Variants in MIA2 observed in about 807,000 individuals in gnomAD.
MIA2 encodes the protein melanoma inhibitory activity protein 2.
In MIA2, 127 loss-of-function variants were observed where a neutral mutation model predicts 167.8. The ratio of observed to expected loss-of-function variants is 0.76; its 90% CI spans 0.66 to 0.88. MIA2 has a LOEUF of 0.88. Ranked by LOEUF, MIA2 falls within the 40% of genes least tolerant of loss-of-function variation. MIA2 has a pLI of 0.00. For synonymous variants in MIA2, 552 were observed against 541.9 expected (o/e 1.02, Z -0.26); for missense variants, 1,690 against 1,624.7 (o/e 1.04, Z -0.69).
chr14:39,385,324 TAA>T, intron 23 of MIA2: 1 of 657,390 alleles, frequency 1.5e-6, no homozygotes, highest in South Asian at 1.8e-5. Context: ...AAATCCTCTT[TAA>T]AAAAAAAAGT....
intron 25 of MIA2, among the ~76,000 whole-genome samples, chr14:39,343,940 C>G (rs1401009628): frequency 1.3e-5 from 2 of 152,162 alleles, no homozygotes; most frequent in Non-Finnish European, 2.9e-5. Flanking sequence ...GACTCCATTT[C>G]TGATTCCTGC....
At chr14:39,366,246 G>A (rs544033046) in intron 23 of MIA2, among the ~76,000 whole-genome samples, 2 of 152,034 alleles carry the variant, frequency 1.3e-5, no homozygotes, top group Non-Finnish European at 2.9e-5. Context: ...CCTGTCCTTG[G>A]GTCTCTGGGT....
chr14:39,361,508 G>A (rs34928332), intron 23 of MIA2, among the ~76,000 whole-genome samples: 43,929 of 149,322 alleles, frequency 0.29, 6,761 homozygotes, highest in East Asian at 0.52. Context: ...ACACCATCTC[G>A]GCTCACTGCA....
rs7141162 is a variant in MIA2 at position 39,285,419 on chromosome 14, C to T, written c.2131-5600C>T. The stretch of plus-strand genomic sequence containing the variant: ...CTCCCGGAAGGGGCGGCTGGCCGGG[C>T]GGGGGCTGACCCCCCCACCTTCCTC... On this transcript the variant is annotated intron_variant, in intron 9 of 28. Coordinates refer to ENST00000640607, the MANE Select transcript of MIA2 (RefSeq NM_001329214.4). 1.8e-4 allele frequency among the ~76,000 whole-genome samples: 21 copies of T among 114,792 alleles called. 3 individuals are homozygous for T. The highest frequency in any genetic ancestry group is 5.9e-4 in the African/African-American group (17 of 28,840). The allele number at this position is 114,792 out of a possible 152,430, so 75.3% of individuals were successfully genotyped here. A position where few individuals can be genotyped will look rare whatever the true frequency, so the allele number is the denominator to read the frequency against.
intron 6 of MIA2, among the ~76,000 whole-genome samples, chr14:39,262,398 A>T (rs2055166579): frequency 6.6e-6 from 1 of 152,222 alleles, no homozygotes; most frequent in Admixed American, 6.5e-5. Context: ...TACCAGTACC[A>T]TGCTGTTTTG....
chr14:39,358,186 A>G (rs946785365), intron 23 of MIA2, among the ~76,000 whole-genome samples: 58 of 152,216 alleles, frequency 3.8e-4, no homozygotes, highest in Non-Finnish European at 6.8e-4. Context: ...ACTTTCAGGT[A>G]CACCAATCAG....
At chr14:39,303,152 T>C (rs1226423557) in intron 15 of MIA2, among the ~76,000 whole-genome samples, 1 of 152,194 alleles carries the variant, frequency 6.6e-6, no homozygotes, top group Non-Finnish European at 1.5e-5. Flanking sequence ...GGTTATAATT[T>C]TACTCATATT....
chr14:39,349,060 T>A, intron 28 of MIA2, 83 bp downstream of exon 28: 1 of 1,484,270 alleles, frequency 6.7e-7, no homozygotes, highest in Non-Finnish European at 9.2e-7. Context: ...GTTAATGTAG[T>A]AACACAGTGG....
rs2053777416 is a variant in MIA2, at chr14:39,237,053, AG to A, written c.248del (p.Ser83IlefsTer40). 1.2e-6 allele frequency: 2 copies of A among 1,612,228 alleles called. No individual in the cohort carries two copies. The highest frequency in any genetic ancestry group is 1.7e-5 in the Admixed American group (1 of 59,490). ...AGAAAGGGAAGATTTGTGGGCAGGAAGTGTAAGTAACTACTTTTAAAAATTG... is the reference window on the plus strand; with the variant it reads ...AGAAAGGGAAGATTTGTGGGCAGGAATGTAAGTAACTACTTTTAAAAATTG... ...AGEREDLWAG[S>X]KGKEFGYFPR... On this transcript the variant is annotated frameshift_variant and splice_region_variant, in exon 2 of 29. Coordinates refer to ENST00000640607, the MANE Select transcript of MIA2 (RefSeq NM_001329214.4). LOFTEE classifies it high-confidence loss of function.
At chr14:39,257,488 A>G (rs1364091361) in intron 6 of MIA2, among the ~76,000 whole-genome samples, 1 of 151,520 alleles carries the variant, frequency 6.6e-6, no homozygotes, top group Non-Finnish European at 1.5e-5. Flanking sequence ...TTTGCACGTG[A>G]GATGGGTCTC....
intron 13 of MIA2, among the ~76,000 whole-genome samples, chr14:39,296,382 C>T (rs556835354): frequency 6.6e-6 from 1 of 151,704 alleles, no homozygotes; most frequent in South Asian, 2.1e-4. Flanking sequence ...TCCAATATTG[C>T]TTTTAAGAAG....
chr14:39,270,507 T>C (rs560950861), intron 6 of MIA2, among the ~76,000 whole-genome samples: 2 of 151,920 alleles, frequency 1.3e-5, no homozygotes, highest in Admixed American at 1.3e-4. Context: ...CTTTACTCTG[T>C]TTTTTGTTGT....
At chr14:39,308,329 TA>T in intron 17 of MIA2, 119 bp from the exon 18 acceptor site, 1 of 619,528 alleles carries the variant, frequency 1.6e-6, no homozygotes, top group Non-Finnish European at 2.5e-6. Context: ...GATTTTCTGT[TA>T]TTGGAAAGAG....
At chr14:39,386,791 A>G (rs1218789260) in intron 23 of MIA2, 1 of 1,133,718 alleles carries the variant, frequency 8.8e-7, no homozygotes, top group Non-Finnish European at 1.3e-6. Context: ...TTTCTAAGTG[A>G]TAGATTAGTG....
chr14:39,339,372 C>G (rs1595805168), intron 25 of MIA2, among the ~76,000 whole-genome samples: 1 of 152,174 alleles, frequency 6.6e-6, no homozygotes, highest in East Asian at 1.9e-4. Flanking sequence ...TACTGTAGCT[C>G]AGGTTGGGAT....
At chr14:39,253,291 C>T (rs760580047) in intron 6 of MIA2, 120 bp downstream of exon 6, 2 of 1,280,620 alleles carry the variant, frequency 1.6e-6, no homozygotes, top group Admixed American at 2.2e-5. Context: ...GTTTCTCTTT[C>T]CATGACATCT....
At chr14:39,302,476 C>T (rs1413724303) in intron 15 of MIA2, among the ~76,000 whole-genome samples, 1 of 152,152 alleles carries the variant, frequency 6.6e-6, no homozygotes, top group Non-Finnish European at 1.5e-5. Flanking sequence ...TTACAGCCTC[C>T]TCCCTTTTTT....
chr14:39,366,757 G>C (rs1307172440), intron 23 of MIA2, among the ~76,000 whole-genome samples: 1 of 152,188 alleles, frequency 6.6e-6, no homozygotes, highest in Non-Finnish European at 1.5e-5. Flanking sequence ...GCTGCATTGT[G>C]GTGAGTGGAG....
At chr14:39,379,922 AAAAAC>A (rs1451131950) in intron 23 of MIA2, among the ~76,000 whole-genome samples, 2 of 151,704 alleles carry the variant, frequency 1.3e-5, no homozygotes, top group Non-Finnish European at 2.9e-5. Context: ...AAGGCAAACA[AAAAAC>A]AACAACAACA....
Sources: allele counts gnomAD v4.1 joint callset (sites outside exome capture counted in the v4.1 genomes callset), GRCh38; gene constraint gnomAD v4.1.1; transcripts MANE v1.5; gene names NCBI Gene and HGNC (gene_info 2026-07-23, HGNC 2026-07-21).